The following ST18 variants were observed in gnomAD, a reference collection of about 807,000 sequenced individuals.
The protein encoded by ST18 is suppression of tumorigenicity 18 protein.
A neutral mutation model predicts 110.0 loss-of-function variants in ST18; 50 were observed. The observed-to-expected ratio is 0.45, with a 90% CI of 0.36 to 0.58. The LOEUF is 0.58. Among genes scored for constraint, ST18 ranks in the 20% least tolerant of loss-of-function variants. The probability of loss-of-function intolerance (pLI) is 0.00; values close to 1 mark genes in which losing one functional copy is unlikely to be tolerated. For missense variants in ST18, 1,306 were observed against 1,280.1 expected, an observed-to-expected ratio of 1.02 and a Z score of -0.31; for synonymous variants, 461 against 452.4, an observed-to-expected ratio of 1.02 and a Z score of -0.24.
chr8:52,262,036 A>G (rs2094709055), intron 2 of ST18, among the ~76,000 whole-genome samples: 1 of 152,200 alleles, frequency 6.6e-6, no homozygotes, highest in African/African-American at 2.4e-5. Context: ...TGGGAAGTCC[A>G]AGAGCGTGGC....
rs902284071 is a variant in ST18, at chr8:52,136,671, G to A, written c.2232-13C>T. On this transcript the variant is annotated splice_polypyrimidine_tract_variant and intron_variant, in intron 18 of 25. Transcript: ENST00000689386. Reference sequence around the variant, plus strand: ...ACATCCAGAAACACTAGAGAGGGATGAGGAAAAAAACACAACACAACACTG... The same window carrying A: ...ACATCCAGAAACACTAGAGAGGGATAAGGAAAAAAACACAACACAACACTG... 1 of 1,598,632 alleles carries A rather than the reference G, an allele frequency of 6.3e-7. No homozygotes were observed. The highest frequency in any genetic ancestry group is 8.5e-7 in the Non-Finnish European group (1 of 1,172,490).
chr8:52,346,562 A>T (rs1817881434), intron 2 of ST18, among the ~76,000 whole-genome samples: 1 of 152,264 alleles, frequency 6.6e-6, no homozygotes, highest in Non-Finnish European at 1.5e-5. Flanking sequence ...ATGTCAGAGC[A>T]TCACGAGCTC....
chr8:52,250,416 C>G (rs920516604), intron 2 of ST18, among the ~76,000 whole-genome samples: 1 of 117,230 alleles, frequency 8.5e-6, no homozygotes, highest in African/African-American at 3.4e-5. Flanking sequence ...TATCAGTCAG[C>G]AGCTGACACT....
chr8:52,384,639 C>T (rs960516762), intron 2 of ST18, among the ~76,000 whole-genome samples: 5 of 152,334 alleles, frequency 3.3e-5, no homozygotes, highest in Non-Finnish European at 5.9e-5. Flanking sequence ...ACACCTCCCC[C>T]GCCCTCCTAA....
At chr8:52,238,497 C>G (rs535545631) in intron 2 of ST18, among the ~76,000 whole-genome samples, 5 of 152,170 alleles carry the variant, frequency 3.3e-5, no homozygotes, top group African/African-American at 1.2e-4. Flanking sequence ...GGTATCTACC[C>G]AAAGGAAAAA....
At chr8:52,260,457 G>A (rs2094653694) in intron 2 of ST18, among the ~76,000 whole-genome samples, 1 of 152,124 alleles carries the variant, frequency 6.6e-6, no homozygotes, top group African/African-American at 2.4e-5. Flanking sequence ...CCAGCTGCAT[G>A]AAATCTGGCT....
intron 2 of ST18, among the ~76,000 whole-genome samples, chr8:52,269,235 A>T (rs1372954575): frequency 6.6e-6 from 1 of 152,180 alleles, no homozygotes; most frequent in Non-Finnish European, 1.5e-5. Flanking sequence ...CACCCAGGAA[A>T]CCATTCTGAT....
intron 22 of ST18, among the ~76,000 whole-genome samples, chr8:52,129,271 G>A (rs1481639361): frequency 6.6e-6 from 1 of 151,782 alleles, no homozygotes; most frequent in Non-Finnish European, 1.5e-5. Context: ...TTTGAGAACA[G>A]CCTGACCAAC....
intron 2 of ST18, among the ~76,000 whole-genome samples, chr8:52,233,615 CTGAT>C (rs111472079): frequency 0.035 from 5,289 of 152,184 alleles, 285 homozygotes; most frequent in African/African-American, 0.12. Flanking sequence ...ATTTGAACAT[CTGAT>C]TGATAGTTGT....
At chr8:52,335,374 C>T (rs946944163) in intron 2 of ST18, among the ~76,000 whole-genome samples, 7 of 152,152 alleles carry the variant, frequency 4.6e-5, no homozygotes, top group Non-Finnish European at 8.8e-5. Context: ...TGTTCCACCT[C>T]CTCCCAAACC....
chr8:52,327,466 A>G (rs982142068), intron 2 of ST18, among the ~76,000 whole-genome samples: 2 of 152,192 alleles, frequency 1.3e-5, no homozygotes, highest in African/African-American at 4.8e-5. Flanking sequence ...TATACCAAGG[A>G]GATTTGTTAA....
At chr8:52,164,164 G>T in intron 12 of ST18, 74 bp from the exon 13 acceptor site, 1 of 1,110,586 alleles carries the variant, frequency 9.0e-7, no homozygotes, top group Non-Finnish European at 1.4e-6. Context: ...GTGCCTCACA[G>T]CACACTTGGC....
At chr8:52,147,893 T>G (rs964195505) in intron 16 of ST18, among the ~76,000 whole-genome samples, 5 of 152,212 alleles carry the variant, frequency 3.3e-5, no homozygotes, top group African/African-American at 9.6e-5. Flanking sequence ...GTAGTAGGAC[T>G]GCGCCAACAA....
rs148789361 is a variant in ST18 at position 52,180,255 on chromosome 8, C to G, written c.144G>C (p.Gly48=). ...GGGATTTCCTTTTGTTGACTGGAAC[C>G]CCCAAAGCCTGATCTTCAGCTGTTC... ...KKRTAEDQAL[G]VPVNKRKSLL... is the part of the protein sequence containing the mutation. Residue 48 remains glycine (G), a synonymous_variant, in exon 9 of 26, where the codon GGG becomes GGC. Coordinates refer to ENST00000689386, the MANE Select transcript of ST18 (RefSeq NM_001352837.2). 1.9e-6 allele frequency: 3 copies of G among 1,614,182 alleles called. No homozygotes were observed. The highest frequency in any genetic ancestry group is 2.5e-6 in the Non-Finnish European group (3 of 1,180,038).
intron 2 of ST18, among the ~76,000 whole-genome samples, chr8:52,385,976 G>A (rs1345512612): frequency 6.6e-6 from 1 of 152,074 alleles, no homozygotes; most frequent in East Asian, 1.9e-4. Context: ...TAGCTTACAG[G>A]CCTCCTATTT....
At chr8:52,252,508 A>C (rs1364240868) in intron 2 of ST18, among the ~76,000 whole-genome samples, 1 of 151,456 alleles carries the variant, frequency 6.6e-6, no homozygotes, top group Non-Finnish European at 1.5e-5. Flanking sequence ...GCCACTCTAA[A>C]AAAAAAAACT....
chr8:52,143,671 T>C (rs999238481), intron 16 of ST18, among the ~76,000 whole-genome samples: 2 of 152,302 alleles, frequency 1.3e-5, no homozygotes, highest in East Asian at 3.9e-4. Flanking sequence ...TTTTAGTATA[T>C]TTCAAGGTTT....
At chr8:52,171,635 G>T in intron 10 of ST18, 157 bp downstream of exon 10, 1 of 828,668 alleles carries the variant, frequency 1.2e-6, no homozygotes, top group South Asian at 1.5e-5. Context: ...TAGAGAGTGG[G>T]GGAAAAGAAA....
intron 2 of ST18, among the ~76,000 whole-genome samples, chr8:52,265,010 A>G (rs1267986140): frequency 1.3e-5 from 2 of 152,250 alleles, no homozygotes; most frequent in Admixed American, 1.3e-4. Context: ...AATAAACAGA[A>G]AAACAAATGA....
Sources: gnomAD v4.1 joint callset for allele counts (sites outside exome capture counted in the v4.1 genomes callset) on GRCh38, gnomAD v4.1.1 for gene constraint, MANE v1.5 for transcripts, NCBI Gene and HGNC (gene_info 2026-07-23, HGNC 2026-07-21) for gene names.